The following MAP3K14 variants were observed in gnomAD, a reference collection of about 807,000 sequenced individuals.
MAP3K14 encodes the protein NF-kappa-beta-inducing kinase.
A neutral mutation model predicts 99.2 loss-of-function variants in MAP3K14; 16 were observed. The observed-to-expected ratio is 0.16, with a 90% CI of 0.11 to 0.24. MAP3K14 has a LOEUF of 0.24. Among genes scored for constraint, MAP3K14 ranks in the 10% least tolerant of loss-of-function variants. The pLI is 1.00. For missense variants in MAP3K14, 784 were observed against 1,208.7 expected, an observed-to-expected ratio of 0.65 and a Z score of 5.21; for synonymous variants, 462 against 492.4, an observed-to-expected ratio of 0.94 and a Z score of 0.82.
chr17:45,301,425 T>C (rs531046519), intron 1 of MAP3K14, among the ~76,000 whole-genome samples: 1 of 152,152 alleles, frequency 6.6e-6, no homozygotes, highest in East Asian at 1.9e-4. Flanking sequence ...ATCATGCCAT[T>C]GCATTCCAGC....
At position 45,286,809 on chromosome 17, in the gene MAP3K14, G is replaced by C. The variant is rs148344770; in HGVS notation, c.774C>G (p.Phe258Leu). 1,060 of 1,613,360 alleles carry C rather than the reference G, an allele frequency of 6.6e-4. 1 individual carries two copies. The African/African-American group carries it at 0.011, about 17-fold the overall frequency. The change falls in exon 5 of 16, where the codon TTC becomes TTG. Residue 258 changes from phenylalanine to leucine, a missense_variant. This residue lies in a region of MAP3K14 where 138 missense variants were observed against 164.1 expected (regional missense o/e 0.84). Transcript: ENST00000344686. The surrounding 1 kb of genome is among the most constrained non-coding windows in gnomAD (Gnocchi z 4.1). ...GGPLPLPTHP[F>L]PYSRLPHPFP... is the part of the protein sequence containing the mutation. ...AGGGATGAGGCAGTCTGCTATAGGGGAAGGGGTGCGTGGGCAGGGGCAGGG... is the reference window on the plus strand; with the variant it reads ...AGGGATGAGGCAGTCTGCTATAGGGCAAGGGGTGCGTGGGCAGGGGCAGGG...
intron 9 of MAP3K14, among the ~76,000 whole-genome samples, chr17:45,271,439 G>A (rs1721749898): frequency 6.6e-6 from 1 of 152,120 alleles, no homozygotes; most frequent in South Asian, 2.1e-4. Context: ...TCCACCTCCC[G>A]GGTTCAAGAG....
Position 45,266,523 on chromosome 17 carries a change from G to T in MAP3K14, c.2578+14C>A, listed in dbSNP as rs775101143. On this transcript the variant is annotated intron_variant, in intron 14 of 15. Coordinates refer to ENST00000344686, the MANE Select transcript of MAP3K14 (RefSeq NM_003954.5). The stretch of plus-strand genomic sequence containing the variant: ...GCCACGGGGACTGCTGAGCAGGTGG[G>T]AATTGGACTGTACCATTGAAATAGC... 2.5e-6 allele frequency: 4 copies of T among 1,603,072 alleles called. No individual in the cohort carries two copies. The East Asian group carries it at 9.0e-5, about 36-fold the overall frequency.
chr17:45,303,085 G>GC (rs1380775832), intron 1 of MAP3K14, among the ~76,000 whole-genome samples: 1 of 152,204 alleles, frequency 6.6e-6, no homozygotes, highest in Non-Finnish European at 1.5e-5. Flanking sequence ...GGCAAGAGTG[G>GC]CCCCCCAGAG....
intron 3 of MAP3K14, among the ~76,000 whole-genome samples, chr17:45,288,357 G>A (rs1013017981): frequency 6.7e-6 from 1 of 150,130 alleles, no homozygotes; most frequent in African/African-American, 2.4e-5. Flanking sequence ...AGGGGAAGGA[G>A]CTGTTTCTAG....
intron 1 of MAP3K14, among the ~76,000 whole-genome samples, chr17:45,314,820 G>A (rs1416292379): frequency 6.6e-6 from 1 of 152,110 alleles, no homozygotes; most frequent in African/African-American, 2.4e-5. Flanking sequence ...GGCTTGTTAG[G>A]AAAGCCCATG....
intron 1 of MAP3K14, among the ~76,000 whole-genome samples, chr17:45,311,209 A>C (rs931236936): frequency 2.6e-5 from 4 of 152,238 alleles, no homozygotes; most frequent in South Asian, 2.1e-4. Flanking sequence ...TGTCCAGGCT[A>C]TAATCCTAAC....
chr17:45,310,801 G>C (rs1188622400), intron 1 of MAP3K14, among the ~76,000 whole-genome samples: 1 of 152,104 alleles, frequency 6.6e-6, no homozygotes, highest in Non-Finnish European at 1.5e-5. Flanking sequence ...GAGACTTCCT[G>C]GTAATTGTAT....
chr17:45,269,213 T>A (rs2044123419), intron 11 of MAP3K14, among the ~76,000 whole-genome samples: 1 of 152,110 alleles, frequency 6.6e-6, no homozygotes, highest in Admixed American at 6.5e-5. Flanking sequence ...GGTCTTGCTA[T>A]GTTGCCCAGG....
chr17:45,312,200 T>G (rs1479179121), intron 1 of MAP3K14, among the ~76,000 whole-genome samples: 4 of 152,220 alleles, frequency 2.6e-5, no homozygotes, highest in Non-Finnish European at 1.5e-5. Context: ...CAAAGCTGCT[T>G]GGAAAATGAC....
At chr17:45,304,471 C>T (rs1208103325) in intron 1 of MAP3K14, among the ~76,000 whole-genome samples, 1 of 152,144 alleles carries the variant, frequency 6.6e-6, no homozygotes, top group African/African-American at 2.4e-5. Context: ...AGGTGGTAAG[C>T]TCTTGGGATT....
chr17:45,286,923 AG>A lies in MAP3K14; in HGVS notation c.659del (p.Ala220ValfsTer10). ...GTTTGTGGAGTTCTGATCGAGGCAG[AG>A]CCGGCCGTAGGCCCTCGCCAAGCTG... ...FKQLGEGLRP[A>X]LPRSELHKLI... On this transcript the variant is annotated frameshift_variant, in exon 5 of 16. Coordinates refer to ENST00000344686, the MANE Select transcript of MAP3K14 (RefSeq NM_003954.5). LOFTEE classifies it high-confidence loss of function. This position sits in a 1 kb window ranked among gnomAD's most constrained non-coding sequence, Gnocchi z 4.1. 1 of 1,614,036 alleles carries A rather than the reference AG, an allele frequency of 6.2e-7. No individual in the cohort carries two copies. The highest frequency in any genetic ancestry group is 2.2e-5 in the East Asian group (1 of 44,884).
chr17:45,302,948 C>T (rs925740004), intron 1 of MAP3K14, among the ~76,000 whole-genome samples: 3 of 152,224 alleles, frequency 2.0e-5, no homozygotes, highest in Non-Finnish European at 2.9e-5. Flanking sequence ...AGAGTTTTAT[C>T]AGTTGTGACT....
chr17:45,308,066 C>T (rs757132460), intron 1 of MAP3K14, among the ~76,000 whole-genome samples: 1 of 152,210 alleles, frequency 6.6e-6, no homozygotes, highest in Non-Finnish European at 1.5e-5. Flanking sequence ...GGACATGGGG[C>T]ATGATGAGGA....
rs2044087474 is a variant in MAP3K14, at chr17:45,266,694, G to A, written c.2434-13C>T. ...CCTTTGATGGGTTCTGAAACAACAGGATTGGGTACGGGCTCAGGGCCCTGG... is the reference window on the plus strand; with the variant it reads ...CCTTTGATGGGTTCTGAAACAACAGAATTGGGTACGGGCTCAGGGCCCTGG... On this transcript the variant is annotated splice_polypyrimidine_tract_variant and intron_variant, in intron 13 of 15. Coordinates refer to ENST00000344686, the MANE Select transcript of MAP3K14 (RefSeq NM_003954.5). The A allele has an allele frequency of 6.2e-7, 1 of 1,603,172 alleles. No homozygotes were observed. The highest frequency in any genetic ancestry group is 8.5e-7 in the Non-Finnish European group (1 of 1,171,880).
In MAP3K14 at chr17:45,286,534, G is replaced by A. The variant is rs2044266196; in HGVS notation, c.1049C>T (p.Ala350Val). 6.2e-7 allele frequency: 1 copy of A among 1,609,420 alleles called. No individual in the cohort carries two copies. Among genetic ancestry groups the A allele is most frequent in the Admixed American group, 1.7e-5 (1 of 59,220 alleles). Reference sequence around the variant, plus strand: ...CTTGGCCAGGCTGGTCAGGCTGTGGGCCTGGCCTGAGCTCACGCTGCCTTG... The same window carrying A: ...CTTGGCCAGGCTGGTCAGGCTGTGGACCTGGCCTGAGCTCACGCTGCCTTG... ...ALQGSVSSGQ[A>V]HSLTSLAKTW... The change falls in exon 5 of 16, where the codon GCC becomes GTC. Residue 350 changes from alanine to valine, a missense_variant. Coordinates refer to ENST00000344686, the MANE Select transcript of MAP3K14 (RefSeq NM_003954.5). The surrounding 1 kb of genome is among the most constrained non-coding windows in gnomAD (Gnocchi z 4.1).
Position 45,312,894 on chromosome 17 carries a change from A to G in MAP3K14, c.-21+4066T>C, listed in dbSNP as rs1007141473. Among the ~76,000 whole-genome samples the G allele has an allele frequency of 4.6e-5, 7 of 152,152 alleles. 1 individual carries two copies. The highest frequency in any genetic ancestry group is 3.9e-4 in the Admixed American group (6 of 15,276). On this transcript the variant is annotated intron_variant, in intron 1 of 15. Transcript: ENST00000344686. ...AATGTTCCCTCCTGTTCCCCCAAAGAACAAGTCCTTGCTGATCTACATGCC... is the reference window on the plus strand; with the variant it reads ...AATGTTCCCTCCTGTTCCCCCAAAGGACAAGTCCTTGCTGATCTACATGCC...
chr17:45,300,377 C>G (rs2044377769), intron 1 of MAP3K14, among the ~76,000 whole-genome samples: 1 of 152,210 alleles, frequency 6.6e-6, no homozygotes, highest in Non-Finnish European at 1.5e-5. Flanking sequence ...AAGACAACCT[C>G]AAGCTCAAAG....
chr17:45,279,378 C>T (rs2044202892), intron 6 of MAP3K14, among the ~76,000 whole-genome samples: 1 of 152,128 alleles, frequency 6.6e-6, no homozygotes, highest in Admixed American at 6.6e-5. Flanking sequence ...TCACCCGCCT[C>T]GGCCTCTCAA....
Sources: gnomAD v4.1 joint callset for allele counts (sites outside exome capture counted in the v4.1 genomes callset) on GRCh38, gnomAD v4.1.1 for gene constraint, gnomAD v4.1.1 regional missense constraint, Gnocchi (gnomAD v3.1) non-coding constraint, MANE v1.5 for transcripts, NCBI Gene and HGNC (gene_info 2026-07-23, HGNC 2026-07-21) for gene names.